The following TMEM63A variants were observed in gnomAD, a reference collection of about 807,000 sequenced individuals.
The protein encoded by TMEM63A is mechanosensitive cation channel TMEM63A.
In TMEM63A, 76 loss-of-function variants were observed where a neutral mutation model predicts 100.6. The ratio of observed to expected loss-of-function variants is 0.76; its 90% confidence interval spans 0.63 to 0.91. The LOEUF (loss-of-function observed/expected upper bound fraction) is 0.91, where lower values mean the gene tolerates loss of function less well. Ranked by LOEUF, TMEM63A falls within the 40% of genes least tolerant of loss-of-function variation. The pLI is 0.00. For missense variants in TMEM63A, 876 were observed against 1,008.8 expected (o/e 0.87, Z 1.78); for synonymous variants, 401 against 401.1 (o/e 1.00, Z 0.00).
chr1:225,850,134 T>C lies in TMEM63A; in HGVS notation c.1904-55A>G, dbSNP rs1669247180. On this transcript the variant is annotated intron_variant, in intron 20 of 24. Transcript: ENST00000366835. The stretch of plus-strand genomic sequence containing the variant: ...CCTCGCAGGGCCACACAGACACCTC[T>C]GTCCTCTTCCTCTCCGGGGCGGCTA... The C allele has an allele frequency of 1.3e-6, 2 of 1,587,458 alleles. 1 individual carries two copies. The highest frequency in any genetic ancestry group is 2.3e-5 in the South Asian group (2 of 88,290).
chr1:225,844,168 G>T (rs1450601794), downstream of TMEM63A, among the ~76,000 whole-genome samples: 1 of 152,180 alleles, frequency 6.6e-6, no homozygotes, highest in Non-Finnish European at 1.5e-5. Context: ...GGTCACCACA[G>T]TAGCTGGTGC....
At chr1:225,871,959 T>G in intron 5 of TMEM63A, 28 bp downstream of exon 5, 1 of 1,584,898 alleles carries the variant, frequency 6.3e-7, no homozygotes, top group Non-Finnish European at 8.7e-7. Flanking sequence ...CCCCTGGCCA[T>G]GACCACAACT....
intron 19 of TMEM63A, 60 bp from the exon 20 acceptor site, chr1:225,852,829 GCTCT>G (rs955095814): frequency 6.5e-5 from 97 of 1,482,568 alleles, no homozygotes; most frequent in South Asian, 3.9e-4. Context: ...ACCCTTTTGT[GCTCT>G]CTAAGTGGTG....
intron 21 of TMEM63A, 63 bp from the exon 22 acceptor site, chr1:225,849,075 T>C: frequency 7.9e-7 from 1 of 1,272,042 alleles, no homozygotes; most frequent in South Asian, 1.3e-5. Flanking sequence ...ACCCTCACCC[T>C]GCTGAGGAAG....
chr1:225,844,075 T>C (rs1031019511), downstream of TMEM63A, among the ~76,000 whole-genome samples: 30 of 152,014 alleles, frequency 2.0e-4, no homozygotes, highest in African/African-American at 7.3e-4. Context: ...ATGGAGATAA[T>C]AGTACCTATG....
At chr1:225,876,318 C>T (rs1004179629) in intron 3 of TMEM63A, among the ~76,000 whole-genome samples, 1 of 151,742 alleles carries the variant, frequency 6.6e-6, no homozygotes, top group Non-Finnish European at 1.5e-5. Context: ...CTCCTTGCTA[C>T]CCTAAGCCAC....
downstream of TMEM63A, among the ~76,000 whole-genome samples, chr1:225,843,818 G>C (rs540251446): frequency 6.6e-6 from 1 of 152,338 alleles, no homozygotes; most frequent in Admixed American, 6.5e-5. Flanking sequence ...TCACAGAGGT[G>C]ATGTGTATAC....
At chr1:225,855,822 C>G in intron 18 of TMEM63A, 56 bp downstream of exon 18, 1 of 1,574,764 alleles carries the variant, frequency 6.4e-7, no homozygotes. Flanking sequence ...AGCCCCAGCC[C>G]CTGTGGGACT....
Position 225,853,867 on chromosome 1 carries a change from G to T in TMEM63A, c.1635-76C>A. The T allele has an allele frequency of 7.0e-7, 1 of 1,422,896 alleles. No individual in the cohort carries two copies. Among genetic ancestry groups the T allele is most frequent in the East Asian group, 2.5e-5 (1 of 40,412 alleles). 88.1% of individuals were successfully genotyped at this position (1,422,896 alleles called of 1,614,324 possible). A position where few individuals can be genotyped will look rare whatever the true frequency, so the allele number is the denominator to read the frequency against. The stretch of plus-strand genomic sequence containing the variant: ...AGAGGAGGGGCCCCTAGGCTGGGCA[G>T]GAGCAGAAAGCCCCTGGGAGGGCTG... On this transcript the variant is annotated intron_variant, in intron 18 of 24. Transcript: ENST00000366835. The surrounding 1 kb of genome is among the most constrained non-coding windows in gnomAD (Gnocchi z 4.0).
At chr1:225,861,766 G>A (rs901961263) in intron 13 of TMEM63A, 2 of 192,696 alleles carry the variant, frequency 1.0e-5, no homozygotes, top group Non-Finnish European at 2.2e-5. Flanking sequence ...ACTGCAGTGA[G>A]CGCCCCAGCG....
downstream of TMEM63A, among the ~76,000 whole-genome samples, chr1:225,842,888 AAT>A (rs1450485438): frequency 7.9e-5 from 12 of 152,256 alleles, no homozygotes; most frequent in African/African-American, 2.6e-4. Flanking sequence ...GGAGGCTGTT[AAT>A]CTCTCAGAGC....
In TMEM63A at chr1:225,846,891, G is replaced by A; in HGVS notation, c.*48C>T. 1 of 1,028,382 alleles carries A rather than the reference G, an allele frequency of 9.7e-7. No individual in the cohort carries two copies. Among genetic ancestry groups the A allele is most frequent in the Non-Finnish European group, 1.4e-6 (1 of 735,858 alleles). 63.7% of individuals were successfully genotyped at this position (1,028,382 alleles called of 1,614,324 possible). A position where few individuals can be genotyped will look rare whatever the true frequency, so the allele number is the denominator to read the frequency against. On this transcript the variant is annotated 3_prime_UTR_variant, in exon 25 of 25. Transcript: ENST00000366835. ...CATTCCCACTCAGCCAAGGGCCTGA[G>A]CCCCAGGCCATTCTGGTTGTGTCTT... is the stretch of plus-strand genomic sequence containing the variant.
At chr1:225,857,149 A>G (rs1371935784) in intron 15 of TMEM63A, 132 bp from the exon 16 acceptor site, 1 of 678,008 alleles carries the variant, frequency 1.5e-6, no homozygotes, top group Non-Finnish European at 2.4e-6. Context: ...CCCAGAACCA[A>G]AACTGTGCCA....
chr1:225,847,250 C>T, intron 23 of TMEM63A, 37 bp from the exon 24 acceptor site: 13 of 1,598,626 alleles, frequency 8.1e-6, no homozygotes, highest in Non-Finnish European at 9.4e-6. Flanking sequence ...CCTGGACAGG[C>T]ATGAGCTTCC....
rs1670286570 is a variant in TMEM63A at position 225,867,772 on chromosome 1, C to A, written c.514+116G>T. The A allele has an allele frequency of 3.7e-6, 5 of 1,366,214 alleles. No individual in the cohort carries two copies. Among genetic ancestry groups the A allele is most frequent in the South Asian group, 1.4e-5 (1 of 71,910 alleles). The allele number at this position is 1,366,214 out of a possible 1,614,324, so 84.6% of individuals were successfully genotyped here. A position where few individuals can be genotyped will look rare whatever the true frequency, so the allele number is the denominator to read the frequency against. On this transcript the variant is annotated intron_variant, in intron 7 of 24. Coordinates refer to ENST00000366835, the MANE Select transcript of TMEM63A (RefSeq NM_014698.3). This position sits in a 1 kb window ranked among gnomAD's most constrained non-coding sequence, Gnocchi z 4.6. Reference sequence around the variant, plus strand: ...ATGTTCAGAGTCACCCTGAGACCATCTTACATCTGAAGTGGGGCATGACTC... The same window carrying A: ...ATGTTCAGAGTCACCCTGAGACCATATTACATCTGAAGTGGGGCATGACTC...
intron 20 of TMEM63A, 45 bp from the exon 21 acceptor site, chr1:225,850,124 C>T (rs762609594): frequency 5.6e-6 from 9 of 1,606,988 alleles, no homozygotes; most frequent in Non-Finnish European, 7.7e-6. Flanking sequence ...CAGGGCCACA[C>T]AGACACCTCT....
chr1:225,877,492 G>C lies in TMEM63A; in HGVS notation c.89C>G (p.Ser30Cys), dbSNP rs140898373. The change falls in exon 3 of 25, where the codon TCC becomes TGC. Residue 30 changes from serine to cysteine, a missense_variant. Ser to Cys is a moderately radical substitution (Grantham distance 112, BLOSUM62 -1). Around this residue, in one of 5 missense-constraint regions of TMEM63A, gnomAD observed 43 missense variants for 48.9 expected, o/e 0.88. Coordinates refer to ENST00000366835, the MANE Select transcript of TMEM63A (RefSeq NM_014698.3). ...QLGLGDRPND[S>C]YCYNSAKNST... ...GTTTTTGGCCGAGTTGTAGCAATAG[G>C]AGTCGTTGGGCCGGTCCCCGAGTCC... is the stretch of plus-strand genomic sequence containing the variant. The C allele has an allele frequency of 6.2e-7, 1 of 1,614,216 alleles. No individual in the cohort carries two copies. Among genetic ancestry groups the C allele is most frequent in the East Asian group, 2.2e-5 (1 of 44,886 alleles).
chr1:225,862,046 G>T lies in TMEM63A; in HGVS notation c.1085+172C>A. 1 of 1,037,074 alleles carries T rather than the reference G, an allele frequency of 9.6e-7. No individual in the cohort carries two copies. The allele number at this position is 1,037,074 out of a possible 1,614,324, so 64.2% of individuals were successfully genotyped here. A position where few individuals can be genotyped will look rare whatever the true frequency, so the allele number is the denominator to read the frequency against. On this transcript the variant is annotated intron_variant, in intron 13 of 24. Transcript: ENST00000366835. The surrounding 1 kb of genome is among the most constrained non-coding windows in gnomAD (Gnocchi z 5.1). ...CCCACCGCCTGTTACACAAACATGG[G>T]CTGGGCTGGCTGAAAGTGAGTGTGG...
Position 225,850,090 on chromosome 1 carries a change from T to C in TMEM63A, c.1904-11A>G. 1.9e-6 allele frequency: 3 copies of C among 1,613,828 alleles called. No homozygotes were observed. The highest frequency in any genetic ancestry group is 2.5e-6 in the Non-Finnish European group (3 of 1,179,838). Reference sequence around the variant, plus strand: ...GGATGTAGATGAGGCCTGCAGGGGATGGGGCTGTGAGCTGGAGACCTCGCA... The same window carrying C: ...GGATGTAGATGAGGCCTGCAGGGGACGGGGCTGTGAGCTGGAGACCTCGCA... On this transcript the variant is annotated splice_polypyrimidine_tract_variant and intron_variant, in intron 20 of 24. Transcript: ENST00000366835.
Sources: allele counts gnomAD v4.1 joint callset (sites outside exome capture counted in the v4.1 genomes callset), GRCh38; gene constraint gnomAD v4.1.1; regional missense constraint gnomAD v4.1.1; non-coding constraint Gnocchi (gnomAD v3.1); transcripts MANE v1.5; gene names NCBI Gene and HGNC (gene_info 2026-07-23, HGNC 2026-07-21).